SLC9A8: variants seen among roughly 807,000 people sequenced by gnomAD.
SLC9A8 encodes sodium/hydrogen exchanger 8.
Under a neutral mutation model 66.6 loss-of-function variants are expected in SLC9A8, and 48 were observed. That is an observed-to-expected ratio of 0.72 (90% CI 0.57 to 0.92). The LOEUF is 0.92. Ranked by LOEUF, SLC9A8 falls within the 40% of genes least tolerant of loss-of-function variation. The pLI is 0.00. For synonymous variants in SLC9A8, 274 were observed against 282.6 expected (o/e 0.97, Z 0.31); for missense variants, 599 against 747.3 (o/e 0.80, Z 2.31).
chr20:49,886,993 A>G lies in SLC9A8; in HGVS notation c.1638+95A>G. On this transcript the variant is annotated intron_variant, in intron 15 of 15. Coordinates refer to ENST00000361573, the MANE Select transcript of SLC9A8 (RefSeq NM_015266.3). This position sits in a 1 kb window ranked among gnomAD's most constrained non-coding sequence, Gnocchi z 4.8. ...AGGGTGGGGTGGAGGAAGAGTGGGG[A>G]GGCAGGAAAGCTCACGTGGGCCCGC... is the stretch of plus-strand genomic sequence containing the variant. 1 of 1,422,318 alleles carries G rather than the reference A, an allele frequency of 7.0e-7. No individual in the cohort carries two copies. The highest frequency in any genetic ancestry group is 9.5e-7 in the Non-Finnish European group (1 of 1,048,170). 88.1% of individuals were successfully genotyped at this position (1,422,318 alleles called of 1,614,324 possible).
intron 7 of SLC9A8, among the ~76,000 whole-genome samples, chr20:49,853,825 C>T (rs1046905031): frequency 2.0e-5 from 3 of 152,172 alleles, no homozygotes; most frequent in African/African-American, 7.2e-5. Context: ...GCCTGGGATC[C>T]GGAGGCACTC....
intron 8 of SLC9A8, among the ~76,000 whole-genome samples, chr20:49,857,194 G>A (rs2235621): frequency 0.037 from 5,691 of 152,176 alleles, 148 homozygotes; most frequent in East Asian, 0.088. Flanking sequence ...AAAGAGCCCC[G>A]GATAATGTAT....
chr20:49,831,507 G>A (rs183063823), intron 3 of SLC9A8, among the ~76,000 whole-genome samples: 25 of 151,916 alleles, frequency 1.6e-4, no homozygotes, highest in African/African-American at 5.8e-4. Flanking sequence ...TTCCAAGCTT[G>A]TCTTATCTCA....
intron 6 of SLC9A8, 36 bp from the exon 7 acceptor site, chr20:49,850,774 G>A: frequency 1.9e-6 from 3 of 1,586,302 alleles, no homozygotes; most frequent in Non-Finnish European, 2.6e-6. Flanking sequence ...TTTTTTTTTT[G>A]TGTGTGTCTG....
intron 3 of SLC9A8, chr20:49,829,982 G>C: frequency 1.6e-6 from 1 of 615,212 alleles, no homozygotes. Context: ...TGTCACCATC[G>C]TGGAGTCCGG....
chr20:49,892,206 GCC>G lies in SLC9A8; in HGVS notation c.*4271_*4272del, dbSNP rs2090061033. 3.3e-5 allele frequency: 5 copies of G among 152,222 alleles called. No individual in the cohort carries two copies. Among genetic ancestry groups the G allele is most frequent in the Admixed American group, 3.3e-4 (5 of 15,276 alleles). The allele number at this position is 152,222 out of a possible 1,614,324, so 9.4% of individuals were successfully genotyped here. ...TGTATGAACAGTCGTGTCACTGGATGCCTATTTAGAAATAAAGTGTATGCTGC... is the reference window on the plus strand; with the variant it reads ...TGTATGAACAGTCGTGTCACTGGATGTATTTAGAAATAAAGTGTATGCTGC... On this transcript the variant is annotated 3_prime_UTR_variant, in exon 16 of 16. Coordinates refer to ENST00000361573, the MANE Select transcript of SLC9A8 (RefSeq NM_015266.3).
intron 3 of SLC9A8, chr20:49,830,680 A>G (rs1480700247): frequency 6.0e-6 from 4 of 661,196 alleles, no homozygotes; most frequent in African/African-American, 3.6e-5. Flanking sequence ...AGCTGCTTCC[A>G]GGCGATAGGG....
intron 3 of SLC9A8, among the ~76,000 whole-genome samples, chr20:49,824,711 A>G (rs2086854169): frequency 2.0e-5 from 3 of 152,176 alleles, no homozygotes; most frequent in Admixed American, 2.0e-4. Context: ...CCAAAGAGTC[A>G]TTTCCCCCTT....
chr20:49,876,417 G>A (rs1600796517), intron 11 of SLC9A8, among the ~76,000 whole-genome samples: 2 of 152,164 alleles, frequency 1.3e-5, no homozygotes, highest in African/African-American at 4.8e-5. Flanking sequence ...ATCTTTTCTG[G>A]AGAGTCATTT....
At chr20:49,817,610 T>C (rs2086600856) in intron 2 of SLC9A8, among the ~76,000 whole-genome samples, 1 of 152,130 alleles carries the variant, frequency 6.6e-6, no homozygotes, top group African/African-American at 2.4e-5. Flanking sequence ...CTGGGCAACA[T>C]AGTGAGACTC....
rs144315631 is a variant in SLC9A8, at chr20:49,815,073, C to T, written c.92C>T (p.Thr31Met). 146 of 1,609,198 alleles carry T rather than the reference C, an allele frequency of 9.1e-5. No homozygotes were observed. Among genetic ancestry groups the T allele is most frequent in the Non-Finnish European group, 1.2e-4 (136 of 1,178,038 alleles). ...VTLHTTLVVT[T>M]KLVLPTPGKP... ...CTCCACACCACCCTGGTTGTCACGA[C>T]GAAACTGGTGCTCCCGACCCCTGGC... Residue 31 changes from threonine (T) to methionine (M), a missense_variant, in exon 2 of 16, where the codon ACG becomes ATG. Thr to Met is a moderately conservative substitution (Grantham distance 81). Transcript: ENST00000361573.
At chr20:49,862,273 T>G (rs1327479558) in intron 8 of SLC9A8, among the ~76,000 whole-genome samples, 2 of 152,066 alleles carry the variant, frequency 1.3e-5, no homozygotes, top group African/African-American at 4.8e-5. Flanking sequence ...TTATTTTTTA[T>G]TTTTTTGAGA....
chr20:49,859,124 C>T (rs2146655300), intron 8 of SLC9A8, among the ~76,000 whole-genome samples: 1 of 152,308 alleles, frequency 6.6e-6, no homozygotes, highest in Admixed American at 6.5e-5. Context: ...TAGTTTCCAG[C>T]CTCTTCCTCT....
rs1026831662 is a variant in SLC9A8, at chr20:49,833,355, C to T, written c.290-6186C>T. ...TGCTTTGTTTTTAATGAACACTTGT[C>T]TTTCAGAATAGGATTGTGTGATAAT... On this transcript the variant is annotated intron_variant, in intron 3 of 15. Transcript: ENST00000361573. 5.9e-5 allele frequency among the ~76,000 whole-genome samples: 9 copies of T among 152,122 alleles called. 1 individual carries two copies. Among genetic ancestry groups the T allele is most frequent in the Middle Eastern group, 6.8e-3 (2 of 294 alleles).
chr20:49,859,461 T>G (rs1012158508), intron 8 of SLC9A8, among the ~76,000 whole-genome samples: 18 of 149,008 alleles, frequency 1.2e-4, no homozygotes, highest in African/African-American at 3.9e-4. Context: ...ATGTCAGACT[T>G]ACCCCCGCCT....
At chr20:49,884,334 A>ACACC (rs1490531217) in intron 14 of SLC9A8, among the ~76,000 whole-genome samples, 2 of 124,372 alleles carry the variant, frequency 1.6e-5, no homozygotes, top group Non-Finnish European at 3.3e-5. Flanking sequence ...ACACACACAC[A>ACACC]CACCCCCCGG....
chr20:49,838,321 GA>G (rs374932176), intron 3 of SLC9A8, among the ~76,000 whole-genome samples: 10 of 152,272 alleles, frequency 6.6e-5, no homozygotes, highest in African/African-American at 2.4e-4. Flanking sequence ...ATTACAACCT[GA>G]AAAAATAAGA....
chr20:49,878,410 A>G (rs1358927015), intron 12 of SLC9A8, among the ~76,000 whole-genome samples: 1 of 152,226 alleles, frequency 6.6e-6, no homozygotes, highest in East Asian at 1.9e-4. Flanking sequence ...GATCATAACC[A>G]TGTAAAAATA....
intron 2 of SLC9A8, among the ~76,000 whole-genome samples, chr20:49,817,748 A>G (rs1459720981): frequency 6.6e-6 from 1 of 152,246 alleles, no homozygotes; most frequent in Non-Finnish European, 1.5e-5. Flanking sequence ...GACCAGAAGT[A>G]TACAATGTCT....
Sources: gnomAD v4.1 joint callset for allele counts (sites outside exome capture counted in the v4.1 genomes callset) on GRCh38, gnomAD v4.1.1 for gene constraint, Gnocchi (gnomAD v3.1) non-coding constraint, MANE v1.5 for transcripts, NCBI Gene and HGNC (gene_info 2026-07-23, HGNC 2026-07-21) for gene names.